Variants in GLRB observed in about 807,000 individuals in gnomAD.
The protein encoded by GLRB is glycine receptor subunit beta.
GLRB carries 33 observed loss-of-function variants against 54.2 expected under a neutral mutation model. The observed-to-expected ratio is 0.61, with a 90% CI of 0.46 to 0.81. The LOEUF (loss-of-function observed/expected upper bound fraction) is 0.81. Among genes scored for constraint, GLRB ranks in the 40% least tolerant of loss-of-function variants. The pLI is 0.00. For synonymous variants in GLRB, 209 were observed against 208.2 expected, an observed-to-expected ratio of 1.00 and a Z score of -0.03; for missense variants, 572 against 584.6, an observed-to-expected ratio of 0.98 and a Z score of 0.22.
intron 2 of GLRB, among the ~76,000 whole-genome samples, chr4:157,099,359 G>A (rs546478425): frequency 4.7e-4 from 69 of 147,096 alleles, no homozygotes; most frequent in Non-Finnish European, 9.4e-4. Flanking sequence ...TTTTTTTCGA[G>A]ACAAAGTCTC....
Position 157,078,024 on chromosome 4 carries a change from G to A in GLRB, c.-1G>A. 6.2e-7 allele frequency: 1 copy of A among 1,609,162 alleles called. No homozygotes were observed. Among genetic ancestry groups the A allele is most frequent in the East Asian group, 2.2e-5 (1 of 44,666 alleles). Reference sequence around the variant, plus strand: ...GATCTTCTGAAATTCAAGTTTTCAAGATGAAGTTTTTATTGACAACTGCCT... The same window carrying A: ...GATCTTCTGAAATTCAAGTTTTCAAAATGAAGTTTTTATTGACAACTGCCT... On this transcript the variant is annotated 5_prime_UTR_variant, in exon 2 of 10. Transcript: ENST00000264428.
chr4:157,144,362 T>C (rs1298802174), intron 8 of GLRB, among the ~76,000 whole-genome samples: 1 of 152,218 alleles, frequency 6.6e-6, no homozygotes. Flanking sequence ...TAATTTACTT[T>C]TTAAAAATTA....
Position 157,170,569 on chromosome 4 carries a change from C to T in GLRB, c.1335C>T (p.Asn445=). Residue 445 remains asparagine, a synonymous_variant, in exon 10 of 10, where the codon AAC becomes AAT. Coordinates refer to ENST00000264428, the MANE Select transcript of GLRB (RefSeq NM_000824.5). The stretch of plus-strand genomic sequence containing the variant: ...GCTATGGAAAACCCATTGAAGTTAA[C>T]AACGGACTTGGGAAATCTCAGGCTA... ...YDCYGKPIEV[N]NGLGKSQAKN... 6.2e-7 allele frequency: 1 copy of T among 1,613,496 alleles called. No individual in the cohort carries two copies. The highest frequency in any genetic ancestry group is 8.5e-7 in the Non-Finnish European group (1 of 1,179,546).
At chr4:157,129,739 A>G (rs892488831) in intron 4 of GLRB, among the ~76,000 whole-genome samples, 1 of 151,454 alleles carries the variant, frequency 6.6e-6, no homozygotes, top group Non-Finnish European at 1.5e-5. Flanking sequence ...TAATTGGGGT[A>G]GAGACCCATT....
At chr4:157,123,747 T>C (rs1350219182) in intron 4 of GLRB, among the ~76,000 whole-genome samples, 1 of 151,734 alleles carries the variant, frequency 6.6e-6, no homozygotes, top group African/African-American at 2.4e-5. Flanking sequence ...AGGTAAAACT[T>C]TGCAGGAATC....
chr4:157,158,803 T>C (rs771247688), intron 9 of GLRB, among the ~76,000 whole-genome samples: 7 of 152,204 alleles, frequency 4.6e-5, no homozygotes, highest in Non-Finnish European at 1.0e-4. Context: ...TAGGATTGTC[T>C]TGGCAATGCG....
intron 2 of GLRB, among the ~76,000 whole-genome samples, chr4:157,117,982 A>T (rs951066159): frequency 6.6e-6 from 1 of 151,692 alleles, no homozygotes; most frequent in African/African-American, 2.4e-5. Context: ...GAGGTTTAAA[A>T]GGACAGGTTT....
At chr4:157,144,254 C>T (rs1195807332) in intron 8 of GLRB, among the ~76,000 whole-genome samples, 1 of 152,070 alleles carries the variant, frequency 6.6e-6, no homozygotes, top group East Asian at 1.9e-4. Context: ...ATGTCTAAAA[C>T]CTTCGGTAGT....
intron 9 of GLRB, among the ~76,000 whole-genome samples, chr4:157,169,337 G>A (rs751510045): frequency 2.6e-5 from 4 of 152,046 alleles, no homozygotes; most frequent in Admixed American, 1.3e-4. Flanking sequence ...TAACCTTTTT[G>A]TGGACTTTTG....
At position 157,076,213 on chromosome 4, in the gene GLRB, C is replaced by T. The variant is rs1734020791; in HGVS notation, c.-114C>T. On this transcript the variant is annotated 5_prime_UTR_variant, in exon 1 of 10. Coordinates refer to ENST00000264428, the MANE Select transcript of GLRB (RefSeq NM_000824.5). The stretch of plus-strand genomic sequence containing the variant: ...GGGACGCAGCTGCCCCCGCTCGGCG[C>T]CCGCTGCACCCTTAGCAGCCACTGC... The T allele has an allele frequency of 1.3e-5, 2 of 150,544 alleles. No individual in the cohort carries two copies. Among genetic ancestry groups the T allele is most frequent in the East Asian group, 2.0e-4 (1 of 5,120 alleles). The allele number at this position is 150,544 out of a possible 1,614,324, so 9.3% of individuals were successfully genotyped here.
At chr4:157,106,674 C>T (rs1402047302) in intron 2 of GLRB, among the ~76,000 whole-genome samples, 1 of 151,990 alleles carries the variant, frequency 6.6e-6, no homozygotes, top group African/African-American at 2.4e-5. Flanking sequence ...TGGAACCTGG[C>T]ACTCAGCCCT....
chr4:157,156,414 G>A (rs76316319), intron 9 of GLRB, among the ~76,000 whole-genome samples: 6,670 of 152,130 alleles, frequency 0.044, 146 homozygotes, highest in African/African-American at 0.06. Context: ...TACTGAATTC[G>A]TTTATCAAAT....
Position 157,136,787 on chromosome 4 carries a change from C to A in GLRB, c.528-17C>A, listed in dbSNP as rs747151663. 1 of 1,567,734 alleles carries A rather than the reference C, an allele frequency of 6.4e-7. No individual in the cohort carries two copies. The highest frequency in any genetic ancestry group is 2.2e-5 in the East Asian group (1 of 44,608). On this transcript the variant is annotated splice_polypyrimidine_tract_variant and intron_variant, in intron 5 of 9. Transcript: ENST00000264428. ...GAAGTATATTAAATTATTTCTAAGACCCATTTCTGCTTCCAGGTTATCTAT... is the reference window on the plus strand; with the variant it reads ...GAAGTATATTAAATTATTTCTAAGAACCATTTCTGCTTCCAGGTTATCTAT...
At chr4:157,149,522 A>G (rs894495955) in intron 8 of GLRB, among the ~76,000 whole-genome samples, 1 of 152,134 alleles carries the variant, frequency 6.6e-6, no homozygotes, top group African/African-American at 2.4e-5. Context: ...ACTTTCAATT[A>G]TAAATGCAAA....
chr4:157,164,346 C>G (rs956146032), intron 9 of GLRB, among the ~76,000 whole-genome samples: 4 of 152,136 alleles, frequency 2.6e-5, no homozygotes, highest in Non-Finnish European at 4.4e-5. Flanking sequence ...TACCTGAGAG[C>G]CTTATGTTAT....
chr4:157,120,402 A>T (rs201098318), intron 2 of GLRB, among the ~76,000 whole-genome samples, 154 bp from the exon 3 acceptor site: 1 of 148,372 alleles, frequency 6.7e-6, no homozygotes, highest in South Asian at 2.1e-4. Context: ...AATAAAATAA[A>T]ATAATAAAAT....
At chr4:157,119,345 G>C (rs1275475987) in intron 2 of GLRB, among the ~76,000 whole-genome samples, 2 of 151,686 alleles carry the variant, frequency 1.3e-5, no homozygotes, top group East Asian at 2.0e-4. Flanking sequence ...ATGAACATCA[G>C]CATGATTGCC....
At chr4:157,087,284 G>A (rs778965379) in intron 2 of GLRB, among the ~76,000 whole-genome samples, 8 of 152,124 alleles carry the variant, frequency 5.3e-5, no homozygotes, top group Non-Finnish European at 1.2e-4. Context: ...CAAAGACCTT[G>A]TATAATAAGA....
chr4:157,143,262 A>G (rs1220835684), intron 7 of GLRB, among the ~76,000 whole-genome samples: 2 of 152,098 alleles, frequency 1.3e-5, no homozygotes, highest in Non-Finnish European at 2.9e-5. Context: ...CTGGTTTCCT[A>G]TACTTGCTAA....
Sources: gnomAD v4.1 joint callset for allele counts (sites outside exome capture counted in the v4.1 genomes callset) on GRCh38, gnomAD v4.1.1 for gene constraint, MANE v1.5 for transcripts, NCBI Gene and HGNC (gene_info 2026-07-23, HGNC 2026-07-21) for gene names.